Variants in SPOCK1 observed in about 807,000 individuals in gnomAD.
The protein encoded by SPOCK1 is testican-1.
Under a neutral mutation model 55.3 loss-of-function variants are expected in SPOCK1, and 23 were observed. The ratio of observed to expected loss-of-function variants is 0.42; its 90% confidence interval spans 0.30 to 0.59. The LOEUF (loss-of-function observed/expected upper bound fraction) is 0.59, where lower values mean the gene tolerates loss of function less well. SPOCK1 is among the 20% of genes least tolerant of loss of function. The pLI, the probability that SPOCK1 is intolerant of heterozygous loss-of-function variation, is 0.22. For synonymous variants in SPOCK1, 226 were observed against 221.0 expected, an observed-to-expected ratio of 1.02 and a Z score of -0.20; for missense variants, 499 against 552.5, an observed-to-expected ratio of 0.90 and a Z score of 0.97.
intron 2 of SPOCK1, among the ~76,000 whole-genome samples, chr5:137,466,181 C>T (rs1266828537): frequency 6.6e-6 from 1 of 152,214 alleles, no homozygotes; most frequent in Non-Finnish European, 1.5e-5. Context: ...GGATGCTGCT[C>T]ATTTTATTCC....
At chr5:137,322,034 A>G (rs1217749819) in intron 2 of SPOCK1, among the ~76,000 whole-genome samples, 2 of 152,220 alleles carry the variant, frequency 1.3e-5, no homozygotes, top group Non-Finnish European at 2.9e-5. Context: ...CTTCAAGTTG[A>G]AAAGAAAGAA....
intron 4 of SPOCK1, among the ~76,000 whole-genome samples, chr5:137,127,858 G>A (rs1025951506): frequency 6.6e-6 from 1 of 152,150 alleles, no homozygotes; most frequent in African/African-American, 2.4e-5. Context: ...TGAGAGTTTG[G>A]ACTTAAGACT....
intron 10 of SPOCK1, 132 bp from the exon 11 acceptor site, chr5:136,978,976 AC>A: frequency 1.0e-6 from 1 of 975,040 alleles, no homozygotes; most frequent in East Asian, 2.6e-5. Context: ...TCCCTGCCCC[AC>A]TGAGGTGAGT....
At chr5:137,458,872 CT>C (rs903509201) in intron 2 of SPOCK1, among the ~76,000 whole-genome samples, 1 of 152,158 alleles carries the variant, frequency 6.6e-6, no homozygotes, top group African/African-American at 2.4e-5. Context: ...AGCAACTGTT[CT>C]GGGGTGGTTT....
intron 3 of SPOCK1, among the ~76,000 whole-genome samples, chr5:137,219,856 T>C (rs948265710): frequency 6.6e-6 from 1 of 152,174 alleles, no homozygotes; most frequent in African/African-American, 2.4e-5. Context: ...TTATAGGGCC[T>C]CCATGGTGTC....
intron 3 of SPOCK1, among the ~76,000 whole-genome samples, chr5:137,222,470 C>T (rs376100327): frequency 6.6e-6 from 1 of 152,138 alleles, no homozygotes; most frequent in South Asian, 2.1e-4. Context: ...TTAAATAAGA[C>T]CCTCAATTAA....
At chr5:136,996,354 G>C (rs2126966315) in intron 6 of SPOCK1, among the ~76,000 whole-genome samples, 1 of 152,300 alleles carries the variant, frequency 6.6e-6, no homozygotes, top group East Asian at 1.9e-4. Context: ...CAGGGCACTT[G>C]GGCTACCAGC....
chr5:137,063,813 C>G (rs1752442387), intron 6 of SPOCK1, among the ~76,000 whole-genome samples: 1 of 152,236 alleles, frequency 6.6e-6, no homozygotes, highest in African/African-American at 2.4e-5. Context: ...CCTCATAAAA[C>G]TGTACTCTGC....
At chr5:137,478,872 C>A (rs918396983) in intron 2 of SPOCK1, among the ~76,000 whole-genome samples, 1 of 151,976 alleles carries the variant, frequency 6.6e-6, no homozygotes, top group Non-Finnish European at 1.5e-5. Flanking sequence ...GGGGGGCAGG[C>A]AACAAGCTTT....
At chr5:137,388,074 G>A (rs1283749983) in intron 2 of SPOCK1, among the ~76,000 whole-genome samples, 4 of 152,018 alleles carry the variant, frequency 2.6e-5, no homozygotes, top group Non-Finnish European at 5.9e-5. Flanking sequence ...GTCCACCTAG[G>A]GTCAATTAAA....
At position 137,421,837 on chromosome 5, in the gene SPOCK1, G is replaced by A. The variant is rs373683199; in HGVS notation, c.186+76536C>T. 2.8e-3 allele frequency among the ~76,000 whole-genome samples: 428 copies of A among 152,182 alleles called. 2 individuals are homozygous for A. The highest frequency in any genetic ancestry group is 9.4e-3 in the African/African-American group (390 of 41,542). On this transcript the variant is annotated intron_variant, in intron 2 of 10. Coordinates refer to ENST00000394945, the MANE Select transcript of SPOCK1 (RefSeq NM_004598.4). ...TGTTATGTGTGAATTTGATCCTGTC[G>A]TTATGATGTTAGCTGGTTATTTTGC...
chr5:137,121,740 T>C (rs1034661132), intron 4 of SPOCK1, among the ~76,000 whole-genome samples: 2 of 146,676 alleles, frequency 1.4e-5, no homozygotes, highest in Non-Finnish European at 3.0e-5. Flanking sequence ...GGACATCATA[T>C]AAGTGTGTGT....
chr5:136,992,444 C>A, intron 7 of SPOCK1, 40 bp downstream of exon 7: 1 of 1,481,836 alleles, frequency 6.7e-7, no homozygotes, highest in Non-Finnish European at 9.3e-7. Context: ...AAATCAATGT[C>A]TAATAAATTG....
intron 3 of SPOCK1, among the ~76,000 whole-genome samples, chr5:137,243,186 C>G (rs1756320858): frequency 5.9e-5 from 9 of 152,152 alleles, no homozygotes; most frequent in Admixed American, 5.9e-4. Context: ...CTGATTTTTC[C>G]TTGGCTCGTT....
Position 137,280,636 on chromosome 5 carries a change from A to G in SPOCK1, c.187-13581T>C, listed in dbSNP as rs188267497. Among the ~76,000 whole-genome samples the G allele has an allele frequency of 3.2e-3, 480 of 152,372 alleles. 6 individuals carry two copies. The highest frequency in any genetic ancestry group is 0.011 in the African/African-American group (450 of 41,588). On this transcript the variant is annotated intron_variant, in intron 2 of 10. Coordinates refer to ENST00000394945, the MANE Select transcript of SPOCK1 (RefSeq NM_004598.4). ...CTTATGAATATTAAAGAAAGATTCC[A>G]GTTGGATTTTTCTCATGATGCCCAG...
At chr5:137,235,361 G>A (rs189636184) in intron 3 of SPOCK1, among the ~76,000 whole-genome samples, 1 of 152,242 alleles carries the variant, frequency 6.6e-6, no homozygotes, top group Admixed American at 6.5e-5. Flanking sequence ...CAATGTGGCC[G>A]GTATTCATTA....
rs10043215 is a variant in SPOCK1, at chr5:136,976,350, A to G, written c.*2304T>C. 0.37 allele frequency: 56,069 copies of G among 152,476 alleles called. 11,939 individuals carry two copies. Among genetic ancestry groups the G allele is most frequent in the South Asian group, 0.55 (2,645 of 4,818 alleles). 9.4% of individuals were successfully genotyped at this position (152,476 alleles called of 1,614,324 possible). On this transcript the variant is annotated 3_prime_UTR_variant, in exon 11 of 11. Coordinates refer to ENST00000394945, the MANE Select transcript of SPOCK1 (RefSeq NM_004598.4). ...CTCATTACCTTACTGGGAACTGTCT[A>G]TTGAGCACTCTTCTCCATCATTAAG... is the stretch of plus-strand genomic sequence containing the variant.
At chr5:137,213,431 G>A (rs948266044) in intron 3 of SPOCK1, among the ~76,000 whole-genome samples, 2 of 152,198 alleles carry the variant, frequency 1.3e-5, no homozygotes, top group Admixed American at 6.5e-5. Context: ...GCTCTGTGCA[G>A]AGCAATTATA....
At chr5:137,063,604 A>G (rs1233191524) in intron 6 of SPOCK1, among the ~76,000 whole-genome samples, 5 of 152,360 alleles carry the variant, frequency 3.3e-5, no homozygotes, top group African/African-American at 4.8e-5. Context: ...AAGTGGGGCT[A>G]TAAGAAGTAA....
Sources: gnomAD v4.1 joint callset for allele counts (sites outside exome capture counted in the v4.1 genomes callset) on GRCh38, gnomAD v4.1.1 for gene constraint, MANE v1.5 for transcripts, NCBI Gene and HGNC (gene_info 2026-07-23, HGNC 2026-07-21) for gene names.